PTPRT: variants seen among roughly 807,000 people sequenced by gnomAD.
The protein encoded by PTPRT is protein tyrosine phosphatase receptor type T.
PTPRT carries 56 observed loss-of-function variants against 176.8 expected under a neutral mutation model. The observed-to-expected ratio is 0.32, with a 90% CI of 0.26 to 0.40. PTPRT has a LOEUF of 0.40. PTPRT is among the 10% of genes least tolerant of loss of function. The pLI, the probability that PTPRT is intolerant of heterozygous loss-of-function variation, is 1.00. For synonymous variants in PTPRT, 783 were observed against 739.0 expected (o/e 1.06, Z -0.96); for missense variants, 1,540 against 1,908.2 (o/e 0.81, Z 3.60).
At chr20:42,632,568 T>C (rs1170361641) in intron 7 of PTPRT, among the ~76,000 whole-genome samples, 1 of 151,866 alleles carries the variant, frequency 6.6e-6, no homozygotes, top group Admixed American at 6.6e-5. Flanking sequence ...TGTTAATCTG[T>C]ATTCTTTTAC....
At chr20:43,175,144 T>A (rs796161640) in intron 1 of PTPRT, among the ~76,000 whole-genome samples, 3 of 152,318 alleles carry the variant, frequency 2.0e-5, no homozygotes, top group African/African-American at 7.2e-5. Flanking sequence ...TTCTCTGGGA[T>A]GCGAGGAAGT....
intron 15 of PTPRT, among the ~76,000 whole-genome samples, chr20:42,231,457 G>A (rs1416279769): frequency 6.6e-6 from 1 of 152,196 alleles, no homozygotes; most frequent in East Asian, 1.9e-4. Context: ...CTTGTTATAA[G>A]CATTGGGTAA....
chr20:42,503,148 G>GCTCAAC (rs2071782911), intron 7 of PTPRT, among the ~76,000 whole-genome samples: 1 of 151,840 alleles, frequency 6.6e-6, no homozygotes, highest in African/African-American at 2.4e-5. Context: ...TGGCTTTGTT[G>GCTCAAC]ATACACTCTG....
intron 1 of PTPRT, among the ~76,000 whole-genome samples, chr20:42,958,432 G>A (rs1356595409): frequency 7.2e-6 from 1 of 138,236 alleles, no homozygotes; most frequent in African/African-American, 2.8e-5. Context: ...AAAGGAGGAA[G>A]GGAGGAAGGG....
rs145041455 is a variant in PTPRT, at chr20:42,167,799, C to T, written c.2492-6257G>A. 1.8e-3 allele frequency among the ~76,000 whole-genome samples: 277 copies of T among 152,318 alleles called. 5 individuals carry two copies. The East Asian group carries it at 0.041, about 23-fold the overall frequency. The stretch of plus-strand genomic sequence containing the variant: ...ATAAAACATTGGATTCAAATGTGAT[C>T]TTCACAGATTTCTAGCTATAGGACC... On this transcript the variant is annotated intron_variant, in intron 16 of 30. Transcript: ENST00000373187.
At chr20:42,072,099 A>T (rs1982369234), downstream of PTPRT, among the ~76,000 whole-genome samples, 1 of 152,196 alleles carries the variant, frequency 6.6e-6, no homozygotes, top group Non-Finnish European at 1.5e-5. Context: ...GCCTAGCAAA[A>T]TATATATGTG....
chr20:42,995,463 T>A (rs577562956), intron 1 of PTPRT, among the ~76,000 whole-genome samples: 2 of 152,200 alleles, frequency 1.3e-5, no homozygotes, highest in Non-Finnish European at 1.5e-5. Context: ...CACACCCAAT[T>A]TAGGCATCCA....
chr20:42,277,406 C>T (rs561178694), intron 13 of PTPRT, among the ~76,000 whole-genome samples: 6 of 152,344 alleles, frequency 3.9e-5, no homozygotes, highest in South Asian at 4.1e-4. Flanking sequence ...GTTCCCTTGA[C>T]GGCTGGCGCT....
At chr20:43,093,926 A>G (rs940634030) in intron 1 of PTPRT, among the ~76,000 whole-genome samples, 2 of 151,608 alleles carry the variant, frequency 1.3e-5, no homozygotes, top group African/African-American at 4.8e-5. Flanking sequence ...TTCCTTCTCA[A>G]CCTTCAAGAT....
intron 13 of PTPRT, among the ~76,000 whole-genome samples, chr20:42,279,292 C>T (rs2057100617): frequency 6.6e-6 from 1 of 151,888 alleles, no homozygotes; most frequent in African/African-American, 2.4e-5. Flanking sequence ...GTGGTAGTAT[C>T]CTCATAAAAA....
At chr20:43,173,350 T>C (rs2015049850) in intron 1 of PTPRT, among the ~76,000 whole-genome samples, 1 of 152,226 alleles carries the variant, frequency 6.6e-6, no homozygotes, top group South Asian at 2.1e-4. Flanking sequence ...TTGGTGCCTT[T>C]GGAAAATCAG....
At chr20:42,989,403 C>T (rs1265988528) in intron 1 of PTPRT, among the ~76,000 whole-genome samples, 2 of 152,198 alleles carry the variant, frequency 1.3e-5, no homozygotes, top group African/African-American at 2.4e-5. Context: ...TGGGAGAACC[C>T]GGGAGTATCA....
chr20:42,135,485 A>G (rs926005263), intron 18 of PTPRT, among the ~76,000 whole-genome samples: 2 of 152,218 alleles, frequency 1.3e-5, no homozygotes, highest in Non-Finnish European at 2.9e-5. Flanking sequence ...ATGCATTTCA[A>G]TATGCCCTCC....
intron 1 of PTPRT, among the ~76,000 whole-genome samples, chr20:42,997,236 T>G (rs183874838): frequency 1.4e-5 from 2 of 140,130 alleles, no homozygotes; most frequent in Non-Finnish European, 3.1e-5. Context: ...AGGCTCATTC[T>G]CCTCCCCCTT....
Position 42,104,654 on chromosome 20 carries a change from G to C in PTPRT, c.3455C>G (p.Pro1152Arg). 2 of 1,599,174 alleles carry C rather than the reference G, an allele frequency of 1.3e-6. No individual in the cohort carries two copies. The highest frequency in any genetic ancestry group is 1.7e-6 in the Non-Finnish European group (2 of 1,166,372). Residue 1152 changes from proline (P) to arginine (R), a missense_variant, in exon 25 of 31, where the codon CCT (proline) becomes CGT (arginine). Pro to Arg is a moderately radical substitution (Grantham distance 103). Around this residue, in one of 11 missense-constraint regions of PTPRT, gnomAD observed 342 missense variants for 394.0 expected, o/e 0.87. Transcript: ENST00000373187. ...EACLCGNTAI[P>R]VCEFRSLYYN... ...GTAGAGAGAACGGAACTCACACACA[G>C]GGATGGCAGTGTTGCCACAGAGGCA...
intron 1 of PTPRT, among the ~76,000 whole-genome samples, chr20:43,035,026 G>A (rs915968801): frequency 6.6e-6 from 1 of 151,908 alleles, no homozygotes; most frequent in African/African-American, 2.4e-5. Context: ...CCAGTGCAAT[G>A]TGTAGAGGAG....
chr20:42,475,887 G>A (rs1055778789), intron 7 of PTPRT, among the ~76,000 whole-genome samples: 4 of 152,174 alleles, frequency 2.6e-5, no homozygotes, highest in Non-Finnish European at 4.4e-5. Context: ...CTTTGAGACC[G>A]GGAAAGTTGG....
intron 23 of PTPRT, among the ~76,000 whole-genome samples, chr20:42,107,401 G>C (rs1052643237): frequency 3.9e-5 from 6 of 152,220 alleles, no homozygotes; most frequent in Admixed American, 6.5e-5. Context: ...ACCTGCAGCT[G>C]TTTTCGCAGG....
chr20:43,118,147 T>C (rs544095853), intron 1 of PTPRT, among the ~76,000 whole-genome samples: 31 of 152,314 alleles, frequency 2.0e-4, no homozygotes, highest in African/African-American at 5.3e-4. Flanking sequence ...CTACCAGCTG[T>C]ATGTAAACAA....
Sources: allele counts gnomAD v4.1 joint callset (sites outside exome capture counted in the v4.1 genomes callset), GRCh38; gene constraint gnomAD v4.1.1; regional missense constraint gnomAD v4.1.1; transcripts MANE v1.5; gene names NCBI Gene and HGNC (gene_info 2026-07-23, HGNC 2026-07-21).